Variants in SPAG9 observed in about 807,000 individuals in gnomAD.
The protein encoded by SPAG9 is C-Jun-amino-terminal kinase-interacting protein 4.
In SPAG9, 35 loss-of-function variants were observed where a neutral mutation model predicts 166.5. That is an observed-to-expected ratio of 0.21 (90% CI 0.16 to 0.28). The LOEUF (loss-of-function observed/expected upper bound fraction) is 0.28, where lower values mean the gene tolerates loss of function less well. Among genes scored for constraint, SPAG9 ranks in the 10% least tolerant of loss-of-function variants. The pLI, the probability that SPAG9 is intolerant of heterozygous loss-of-function variation, is 1.00. For synonymous variants in SPAG9, 534 were observed against 565.5 expected (o/e 0.94, Z 0.79); for missense variants, 1,235 against 1,603.3 (o/e 0.77, Z 3.92).
chr17:51,051,938 A>T (rs1359424375), intron 3 of SPAG9, among the ~76,000 whole-genome samples: 1 of 152,208 alleles, frequency 6.6e-6, no homozygotes, highest in Non-Finnish European at 1.5e-5. Context: ...GTTTTTGGTG[A>T]TTAGCATACA....
chr17:51,026,976 G>A (rs1010313782), intron 6 of SPAG9, among the ~76,000 whole-genome samples: 7 of 151,938 alleles, frequency 4.6e-5, no homozygotes, highest in Admixed American at 2.0e-4. Context: ...GCGCCCGGCC[G>A]GGAAACCATT....
At chr17:51,006,327 T>C (rs915132065) in intron 10 of SPAG9, 90 bp from the exon 11 acceptor site, 12 of 1,217,690 alleles carry the variant, frequency 9.9e-6, no homozygotes, top group East Asian at 4.7e-5. Flanking sequence ...TGTACAACCA[T>C]AGACAATAAT....
chr17:51,056,532 T>C (rs754019208), intron 2 of SPAG9, 50 bp from the exon 3 acceptor site: 2 of 1,209,112 alleles, frequency 1.7e-6, no homozygotes, highest in Non-Finnish European at 2.4e-6. Context: ...GAAATTTACT[T>C]GAAAAAGTAC....
intron 1 of SPAG9, among the ~76,000 whole-genome samples, chr17:51,119,992 A>C (rs1042527493): frequency 6.6e-6 from 1 of 152,154 alleles, no homozygotes; most frequent in African/African-American, 2.4e-5. Flanking sequence ...AAAACTTTGA[A>C]CCGCCATCTG....
chr17:50,988,266 A>AT (rs1025523811), intron 21 of SPAG9, among the ~76,000 whole-genome samples: 2 of 151,988 alleles, frequency 1.3e-5, no homozygotes, highest in African/African-American at 2.4e-5. Context: ...GAGGTTGCAA[A>AT]TTTTTTTTGT....
Position 51,053,856 on chromosome 17 carries a change from T to TAAA in SPAG9, c.495+2555_495+2556insTTT, listed in dbSNP as rs1568044940. ...CTAATTAAAAAAAAAAAAAAAAAAGTATATATATATATATATATATATATA... is the reference window on the plus strand; with the variant it reads ...CTAATTAAAAAAAAAAAAAAAAAAGTAAAATATATATATATATATATATATATA... On this transcript the variant is annotated intron_variant, in intron 3 of 29. Coordinates refer to ENST00000262013, the MANE Select transcript of SPAG9 (RefSeq NM_001130528.3). Among the ~76,000 whole-genome samples the TAAA allele has an allele frequency of 7.8e-3, 121 of 15,426 alleles. 8 individuals carry two copies. Among genetic ancestry groups the TAAA allele is most frequent in the Non-Finnish European group, 0.011 (101 of 9,514 alleles). 10.1% of individuals were successfully genotyped at this position (15,426 alleles called of 152,430 possible). A position where few individuals can be genotyped will look rare whatever the true frequency, so the allele number is the denominator to read the frequency against.
At chr17:51,015,116 C>T (rs1864829073) in intron 8 of SPAG9, among the ~76,000 whole-genome samples, 1 of 151,966 alleles carries the variant, frequency 6.6e-6, no homozygotes, top group African/African-American at 2.4e-5. Flanking sequence ...GAAAAAGAAA[C>T]TATAGCAGAT....
At chr17:51,056,547 T>C (rs1347746740) in intron 2 of SPAG9, 65 bp from the exon 3 acceptor site, 2 of 1,031,352 alleles carry the variant, frequency 1.9e-6, no homozygotes, top group Non-Finnish European at 3.0e-6. Context: ...AAGTACATGT[T>C]AGACTCAGAA....
chr17:50,994,981 C>A, intron 18 of SPAG9, 76 bp downstream of exon 18: 1 of 1,190,176 alleles, frequency 8.4e-7, no homozygotes, highest in Non-Finnish European at 1.2e-6. Flanking sequence ...GAAGCTGGAC[C>A]CAGAGGCAAA....
chr17:50,984,457 C>T (rs1184013872), intron 24 of SPAG9, among the ~76,000 whole-genome samples: 2 of 152,140 alleles, frequency 1.3e-5, no homozygotes, highest in African/African-American at 2.4e-5. Context: ...GAAGCCAAAG[C>T]GGGCAGATCA....
intron 1 of SPAG9, among the ~76,000 whole-genome samples, chr17:51,114,867 G>A (rs2144796533): frequency 6.6e-6 from 1 of 151,932 alleles, no homozygotes; most frequent in East Asian, 1.9e-4. Flanking sequence ...CAGGAGAATT[G>A]CTTGAACCTG....
intron 2 of SPAG9, among the ~76,000 whole-genome samples, chr17:51,076,991 TATCTAG>T (rs1568065157): frequency 7.9e-4 from 75 of 94,378 alleles, no homozygotes; most frequent in Non-Finnish European, 1.3e-3. Context: ...CTTATCTAGC[TATCTAG>T]CTATCTAGCT....
Position 50,966,377 on chromosome 17 carries a change from A to C in SPAG9, c.3861T>G (p.Gly1287=). Residue 1287 remains glycine, a synonymous_variant, in exon 30 of 30, where the codon GGT becomes GGG. Coordinates refer to ENST00000262013, the MANE Select transcript of SPAG9 (RefSeq NM_001130528.3). The stretch of plus-strand genomic sequence containing the variant: ...CCTCTCCAAGAAGTTCTGATTCTCC[A>C]CCTTCATCACCTAGTGAATGATAAG... ...GYIDFRMGDE[G]GESELLGEDL... 1 of 1,594,518 alleles carries C rather than the reference A, an allele frequency of 6.3e-7. No individual in the cohort carries two copies. The highest frequency in any genetic ancestry group is 8.6e-7 in the Non-Finnish European group (1 of 1,162,224).
rs1171967345 is a variant in SPAG9 at position 51,077,001 on chromosome 17, T to TCTAG, written c.424+2579_424+2582dup. ...TCTATCTTATCTAGCTATCTAGCTATCTAGCTAGCTAGCTAGCTATCTAGC... is the reference window on the plus strand; with the variant it reads ...TCTATCTTATCTAGCTATCTAGCTATCTAGCTAGCTAGCTAGCTAGCTATCTAGC... On this transcript the variant is annotated intron_variant, in intron 2 of 29. Transcript: ENST00000262013. 2.9e-4 allele frequency among the ~76,000 whole-genome samples: 26 copies of TCTAG among 90,686 alleles called. 3 individuals carry two copies. The South Asian group carries it at 4.7e-3, about 17-fold the overall frequency. 59.5% of individuals were successfully genotyped at this position (90,686 alleles called of 152,430 possible).
chr17:51,031,708 AG>A lies in SPAG9; in HGVS notation c.755del (p.Pro252LeufsTer7). Reference sequence around the variant, plus strand: ...CCTGTTCTACAGCCTTCTGAGGTTCAGGACTATTGCTGACCTAGGAAGAGGG... The same window carrying A: ...CCTGTTCTACAGCCTTCTGAGGTTCAGACTATTGCTGACCTAGGAAGAGGG... ...SHTSLKVSNS[P>X]EPQKAVEQED... On this transcript the variant is annotated frameshift_variant, in exon 6 of 30. Coordinates refer to ENST00000262013, the MANE Select transcript of SPAG9 (RefSeq NM_001130528.3). LOFTEE classifies it high-confidence loss of function. 6.4e-7 allele frequency: 1 copy of A among 1,551,122 alleles called. No individual in the cohort carries two copies. Among genetic ancestry groups the A allele is most frequent in the Non-Finnish European group, 8.7e-7 (1 of 1,146,582 alleles).
At chr17:51,001,249 T>C (rs978716923) in intron 13 of SPAG9, among the ~76,000 whole-genome samples, 4 of 152,128 alleles carry the variant, frequency 2.6e-5, no homozygotes, top group Non-Finnish European at 4.4e-5. Context: ...GATGGCAGCA[T>C]TGGGTGAGAT....
Position 51,007,743 on chromosome 17 carries a change from G to A in SPAG9, c.1214-417C>T, listed in dbSNP as rs1403916475. ...TTGTTTCTAAATCACATCTGACCTCGTAGGCTTTTGCCTAAAAATTAGACC... is the reference window on the plus strand; with the variant it reads ...TTGTTTCTAAATCACATCTGACCTCATAGGCTTTTGCCTAAAAATTAGACC... On this transcript the variant is annotated intron_variant, in intron 9 of 29. Coordinates refer to ENST00000262013, the MANE Select transcript of SPAG9 (RefSeq NM_001130528.3). 10 of 402,978 alleles carry A rather than the reference G, an allele frequency of 2.5e-5. No homozygotes were observed. The Admixed American group carries it at 2.7e-4, about 11-fold the overall frequency. The allele number at this position is 402,978 out of a possible 1,614,324, so 25.0% of individuals were successfully genotyped here.
At chr17:51,112,263 G>T (rs972081785) in intron 1 of SPAG9, among the ~76,000 whole-genome samples, 1 of 151,232 alleles carries the variant, frequency 6.6e-6, no homozygotes, top group Non-Finnish European at 1.5e-5. Context: ...GCCAGGTGTG[G>T]TGGCTCACAC....
chr17:51,033,525 A>G (rs968432182), intron 5 of SPAG9, among the ~76,000 whole-genome samples: 1 of 152,236 alleles, frequency 6.6e-6, no homozygotes. Flanking sequence ...CTGAATTAAT[A>G]TAATTTTTTA....
Sources: allele counts gnomAD v4.1 joint callset (sites outside exome capture counted in the v4.1 genomes callset), GRCh38; gene constraint gnomAD v4.1.1; transcripts MANE v1.5; gene names NCBI Gene and HGNC (gene_info 2026-07-23, HGNC 2026-07-21).